The following MARCHF8 variants were observed in gnomAD, a reference collection of about 807,000 sequenced individuals.
MARCHF8 encodes the protein E3 ubiquitin-protein ligase MARCHF8.
Under a neutral mutation model 51.6 loss-of-function variants are expected in MARCHF8, and 40 were observed. The ratio of observed to expected loss-of-function variants is 0.77; its 90% confidence interval spans 0.60 to 1.01. The LOEUF is 1.01. MARCHF8 is among the 50% of genes least tolerant of loss of function. The pLI is 0.00. For synonymous variants in MARCHF8, 263 were observed against 280.3 expected (o/e 0.94, Z 0.62); for missense variants, 685 against 708.6 (o/e 0.97, Z 0.38).
chr10:45,513,967 T>C (rs187554895), intron 2 of MARCHF8, among the ~76,000 whole-genome samples: 1 of 152,278 alleles, frequency 6.6e-6, no homozygotes, highest in East Asian at 1.9e-4. Flanking sequence ...AATTATGAAC[T>C]CAGTTGTCTT....
At chr10:45,560,545 G>A (rs960349801) in intron 1 of MARCHF8, among the ~76,000 whole-genome samples, 3 of 152,196 alleles carry the variant, frequency 2.0e-5, no homozygotes, top group Non-Finnish European at 2.9e-5. Flanking sequence ...AATGCCCACA[G>A]TGCCAGCTTG....
At chr10:45,510,468 TA>T (rs2133190684) in intron 2 of MARCHF8, among the ~76,000 whole-genome samples, 1 of 152,226 alleles carries the variant, frequency 6.6e-6, no homozygotes, top group Admixed American at 6.5e-5. Flanking sequence ...AATTTTGAAA[TA>T]AAATTTAGTA....
intron 1 of MARCHF8, among the ~76,000 whole-genome samples, chr10:45,572,370 CCTT>C (rs1380242548): frequency 1.3e-5 from 2 of 151,962 alleles, no homozygotes; most frequent in Non-Finnish European, 2.9e-5. Context: ...CTCCATTCCT[CCTT>C]CTTCTCCCTT....
intron 1 of MARCHF8, among the ~76,000 whole-genome samples, chr10:45,562,422 T>A (rs1267156115): frequency 6.6e-6 from 1 of 152,104 alleles, no homozygotes; most frequent in Non-Finnish European, 1.5e-5. Flanking sequence ...GAAGACAGAC[T>A]ACTACAATTA....
chr10:45,564,190 C>T (rs1349202552), intron 1 of MARCHF8, among the ~76,000 whole-genome samples: 6 of 152,168 alleles, frequency 3.9e-5, no homozygotes, highest in Non-Finnish European at 5.9e-5. Flanking sequence ...GCAGGAGAAT[C>T]GCTTGAACCT....
At chr10:45,562,989 C>T (rs1564517463) in intron 1 of MARCHF8, among the ~76,000 whole-genome samples, 2 of 151,498 alleles carry the variant, frequency 1.3e-5, no homozygotes, top group Admixed American at 1.3e-4. Context: ...ATGCAAAACC[C>T]ACATATATAC....
At chr10:45,554,272 A>C (rs1253569678) in intron 1 of MARCHF8, among the ~76,000 whole-genome samples, 2 of 152,232 alleles carry the variant, frequency 1.3e-5, no homozygotes, top group Middle Eastern at 3.2e-3. Context: ...CATGAGACAA[A>C]GATAAAATTA....
At chr10:45,529,274 T>C (rs768662388) in intron 2 of MARCHF8, among the ~76,000 whole-genome samples, 1 of 152,184 alleles carries the variant, frequency 6.6e-6, no homozygotes, top group East Asian at 1.9e-4. Flanking sequence ...AGAATGACAC[T>C]GGACCCATAT....
chr10:45,459,335 G>T, intron 6 of MARCHF8, 68 bp from the exon 7 acceptor site: 2 of 1,519,404 alleles, frequency 1.3e-6, no homozygotes, highest in East Asian at 2.4e-5. Flanking sequence ...TGAGAGCATT[G>T]TAGGTAGGTA....
intron 2 of MARCHF8, among the ~76,000 whole-genome samples, chr10:45,525,640 A>G (rs1345073523): frequency 6.6e-6 from 1 of 152,212 alleles, no homozygotes; most frequent in Non-Finnish European, 1.5e-5. Context: ...GTAACTTTAT[A>G]GTGGAGAGAC....
At chr10:45,549,030 A>G (rs1400120606) in intron 1 of MARCHF8, among the ~76,000 whole-genome samples, 3 of 151,822 alleles carry the variant, frequency 2.0e-5, no homozygotes, top group Admixed American at 6.6e-5. Context: ...GAAATAGTCT[A>G]CCTTCTTGAG....
At chr10:45,507,218 T>A (rs2043402213) in intron 2 of MARCHF8, among the ~76,000 whole-genome samples, 1 of 152,040 alleles carries the variant, frequency 6.6e-6, no homozygotes. Context: ...TGTGAGGTAG[T>A]AGGATGGGTT....
intron 2 of MARCHF8, among the ~76,000 whole-genome samples, chr10:45,512,516 G>A (rs1213044648): frequency 2.0e-5 from 3 of 150,846 alleles, no homozygotes; most frequent in African/African-American, 2.4e-5. Context: ...CAGTCCGGGA[G>A]GTGAGGGGCG....
At chr10:45,540,753 G>A (rs1171619297) in intron 1 of MARCHF8, among the ~76,000 whole-genome samples, 1 of 152,106 alleles carries the variant, frequency 6.6e-6, no homozygotes, top group Non-Finnish European at 1.5e-5. Context: ...CAAAAAGTGG[G>A]CGAAGGACAT....
At chr10:45,526,389 G>C (rs575595371) in intron 2 of MARCHF8, among the ~76,000 whole-genome samples, 39 of 152,288 alleles carry the variant, frequency 2.6e-4, no homozygotes, top group Non-Finnish European at 2.9e-4. Context: ...CTTTTGCAAC[G>C]CTAGCTGTGG....
chr10:45,509,834 A>ATAG (rs1313291242), intron 2 of MARCHF8, among the ~76,000 whole-genome samples: 1 of 152,222 alleles, frequency 6.6e-6, no homozygotes, highest in Non-Finnish European at 1.5e-5. Flanking sequence ...AGTTATTGGC[A>ATAG]TAGCTTCCTA....
At chr10:45,535,058 A>C (rs932356104) in intron 1 of MARCHF8, among the ~76,000 whole-genome samples, 153 bp downstream of exon 1, 1 of 152,218 alleles carries the variant, frequency 6.6e-6, no homozygotes, top group African/African-American at 2.4e-5. Context: ...AAAAAGGAAA[A>C]TAGAATAGGG....
chr10:45,564,985 T>TA (rs60290162), intron 1 of MARCHF8, among the ~76,000 whole-genome samples: 23,171 of 98,418 alleles, frequency 0.24, 2,850 homozygotes, highest in Non-Finnish European at 0.31. Context: ...TAGGATCCAC[T>TA]AAAAAAAAAA....
At chr10:45,465,427 C>T (rs1173730910) in intron 3 of MARCHF8, among the ~76,000 whole-genome samples, 2 of 152,198 alleles carry the variant, frequency 1.3e-5, no homozygotes, top group East Asian at 3.9e-4. Context: ...CCTGGCCCAC[C>T]ATTCCCTGGC....
Sources: allele counts gnomAD v4.1 joint callset (sites outside exome capture counted in the v4.1 genomes callset), GRCh38; gene constraint gnomAD v4.1.1; transcripts MANE v1.5; gene names NCBI Gene and HGNC (gene_info 2026-07-23, HGNC 2026-07-21).